Variants in ZSWIM5 observed in about 807,000 individuals in gnomAD.
The protein encoded by ZSWIM5 is zinc finger SWIM-type containing 5.
A neutral mutation model predicts 119.6 loss-of-function variants in ZSWIM5; 55 were observed. The observed-to-expected ratio is 0.46, with a 90% CI of 0.37 to 0.58. The LOEUF (loss-of-function observed/expected upper bound fraction) is 0.58, where lower values mean the gene tolerates loss of function less well. Ranked by LOEUF, ZSWIM5 falls within the 20% of genes least tolerant of loss-of-function variation. The pLI is 0.00. For missense variants in ZSWIM5, 1,193 were observed against 1,512.8 expected (o/e 0.79, Z 3.51); for synonymous variants, 537 against 606.9 (o/e 0.88, Z 1.69).
chr1:45,042,848 T>C (rs1645024465), intron 6 of ZSWIM5, among the ~76,000 whole-genome samples: 1 of 152,202 alleles, frequency 6.6e-6, no homozygotes, highest in Non-Finnish European at 1.5e-5. Context: ...TTTTAAAAAA[T>C]TCAAATTAGT....
chr1:45,146,082 A>G (rs1292230113), intron 1 of ZSWIM5, among the ~76,000 whole-genome samples: 1 of 152,198 alleles, frequency 6.6e-6, no homozygotes, highest in Non-Finnish European at 1.5e-5. Flanking sequence ...CACTTGTTGG[A>G]ACAGATTTAA....
At chr1:45,094,289 C>T (rs1461399221) in intron 1 of ZSWIM5, among the ~76,000 whole-genome samples, 5 of 151,740 alleles carry the variant, frequency 3.3e-5, no homozygotes, top group Admixed American at 1.3e-4. Flanking sequence ...CTCCTGACTT[C>T]GTGATCCGCC....
At chr1:45,126,640 C>T (rs1056749490) in intron 1 of ZSWIM5, among the ~76,000 whole-genome samples, 10 of 152,110 alleles carry the variant, frequency 6.6e-5, no homozygotes, top group African/African-American at 2.4e-4. Flanking sequence ...CAGTGGCTCA[C>T]ACCTGTAATC....
Position 45,019,145 on chromosome 1 carries a change from T to A in ZSWIM5, c.2867A>T (p.Gln956Leu). The A allele has an allele frequency of 6.2e-7, 1 of 1,614,000 alleles. No individual in the cohort carries two copies. Among genetic ancestry groups the A allele is most frequent in the Non-Finnish European group, 8.5e-7 (1 of 1,180,014 alleles). Residue 956 changes from glutamine to leucine, a missense_variant, in exon 14 of 14, where the codon CAG becomes CTG. Gln to Leu is a moderately radical substitution (Grantham distance 113). Transcript: ENST00000359600. This position sits in a 1 kb window ranked among gnomAD's most constrained non-coding sequence, Gnocchi z 5.0. ...GCTCTGTGGATCCTTCATAGCACAC[T>A]GTAGAGCCAGTGTGCGAGCACAGCT... ...LASCARTLAL[Q>L]CAMKDPQSCA...
At chr1:45,084,345 G>C (rs2149010119) in intron 2 of ZSWIM5, among the ~76,000 whole-genome samples, 1 of 152,240 alleles carries the variant, frequency 6.6e-6, no homozygotes, top group East Asian at 1.9e-4. Context: ...AATTCAATAT[G>C]AGATTTGGGT....
rs1314740658 is a variant in ZSWIM5, at chr1:45,017,606, C to A, written c.*848G>T. 6.6e-6 allele frequency: 1 copy of A among 152,206 alleles called. No homozygotes were observed. Among genetic ancestry groups the A allele is most frequent in the African/African-American group, 2.4e-5 (1 of 41,428 alleles). 9.4% of individuals were successfully genotyped at this position (152,206 alleles called of 1,614,324 possible). A position where few individuals can be genotyped will look rare whatever the true frequency, so the allele number is the denominator to read the frequency against. ...TACACACACACAATTATAGATGAAA[C>A]CACACACTTGCTAACACAAAGGTGA... On this transcript the variant is annotated 3_prime_UTR_variant, in exon 14 of 14. Transcript: ENST00000359600.
chr1:45,035,918 TGGGAACC>T, intron 9 of ZSWIM5, 95 bp from the exon 10 acceptor site: 1 of 1,578,756 alleles, frequency 6.3e-7, no homozygotes, highest in East Asian at 2.2e-5. Flanking sequence ...TTGCTAATCA[TGGGAACC>T]TTCATTCACT....
intron 2 of ZSWIM5, chr1:45,069,857 A>G (rs574928336): frequency 2.6e-6 from 1 of 380,128 alleles, no homozygotes; most frequent in East Asian, 4.7e-5. Context: ...TTCAGTACAT[A>G]TTTCTTTTAC....
At chr1:45,145,805 T>C (rs1327323102) in intron 1 of ZSWIM5, among the ~76,000 whole-genome samples, 1 of 152,154 alleles carries the variant, frequency 6.6e-6, no homozygotes, top group African/African-American at 2.4e-5. Context: ...TATTGTGTGA[T>C]ATTTTTAAAA....
intron 2 of ZSWIM5, among the ~76,000 whole-genome samples, chr1:45,080,050 C>T (rs1020328863): frequency 5.3e-5 from 8 of 152,082 alleles, no homozygotes; most frequent in South Asian, 4.1e-4. Flanking sequence ...AGCAAAGGGA[C>T]GGGGTCTCTT....
chr1:45,021,995 C>T (rs1644890424), intron 11 of ZSWIM5, among the ~76,000 whole-genome samples: 1 of 138,032 alleles, frequency 7.2e-6, no homozygotes. Context: ...GCACTCCAGC[C>T]TGGGTGACAC....
chr1:45,163,936 C>T (rs1486034995), intron 1 of ZSWIM5, among the ~76,000 whole-genome samples: 1 of 152,194 alleles, frequency 6.6e-6, no homozygotes, highest in African/African-American at 2.4e-5. Flanking sequence ...CCTAGCAAGG[C>T]AGGCCAACAT....
chr1:45,205,068 G>T (rs1171401867), intron 1 of ZSWIM5, among the ~76,000 whole-genome samples: 1 of 150,938 alleles, frequency 6.6e-6, no homozygotes, highest in African/African-American at 2.4e-5. Context: ...ACCAGCTTTT[G>T]ATTTACCCCA....
chr1:45,108,543 T>G (rs1361172701), intron 1 of ZSWIM5, among the ~76,000 whole-genome samples: 2 of 152,076 alleles, frequency 1.3e-5, no homozygotes, highest in East Asian at 3.8e-4. Flanking sequence ...CCTGGCTACT[T>G]CTCTTGAGAC....
chr1:45,031,301 C>A (rs1414272017), intron 11 of ZSWIM5, among the ~76,000 whole-genome samples: 1 of 149,924 alleles, frequency 6.7e-6, no homozygotes. Context: ...CTCAGCCTCC[C>A]GAGTAGCTGG....
intron 2 of ZSWIM5, among the ~76,000 whole-genome samples, chr1:45,075,513 A>G (rs1645251070): frequency 6.6e-6 from 1 of 152,140 alleles, no homozygotes; most frequent in Admixed American, 6.5e-5. Context: ...TGTCTGATAA[A>G]AGTATAGCTA....
At chr1:45,074,399 T>C (rs186926645) in intron 2 of ZSWIM5, among the ~76,000 whole-genome samples, 8 of 152,004 alleles carry the variant, frequency 5.3e-5, no homozygotes, top group Admixed American at 3.9e-4. Context: ...TTTGAATTTG[T>C]TACTTGTTAT....
At chr1:45,065,348 C>T (rs1229601028) in intron 2 of ZSWIM5, among the ~76,000 whole-genome samples, 3 of 152,190 alleles carry the variant, frequency 2.0e-5, no homozygotes, top group African/African-American at 7.2e-5. Context: ...AAAGCAGGAA[C>T]AGGATCTAGT....
At chr1:45,187,578 G>T (rs527722347) in intron 1 of ZSWIM5, among the ~76,000 whole-genome samples, 1 of 151,766 alleles carries the variant, frequency 6.6e-6, no homozygotes, top group African/African-American at 2.4e-5. Flanking sequence ...AAAGAAAAAA[G>T]CAACCGAGAA....
Sources: allele counts gnomAD v4.1 joint callset (sites outside exome capture counted in the v4.1 genomes callset), GRCh38; gene constraint gnomAD v4.1.1; non-coding constraint Gnocchi (gnomAD v3.1); transcripts MANE v1.5; gene names NCBI Gene and HGNC (gene_info 2026-07-23, HGNC 2026-07-21).